Variants in GJD3 observed in about 807,000 individuals in gnomAD.
GJD3 encodes gap junction protein delta 3, also known as gap junction delta-3 protein.
For missense variants in GJD3, 421 were observed against 448.5 expected (o/e 0.94, Z 0.55); for synonymous variants, 217 against 226.7 (o/e 0.96, Z 0.38).
At position 40,362,458 on chromosome 17, in the gene GJD3, T is replaced by G. The variant is rs1275930200; in HGVS notation, c.*473A>C. Among the ~76,000 whole-genome samples the G allele has an allele frequency of 6.6e-6, 1 of 151,408 alleles. No individual in the cohort carries two copies. The highest frequency in any genetic ancestry group is 2.4e-5 in the African/African-American group (1 of 41,160). On this transcript the variant is annotated 3_prime_UTR_variant, in exon 1 of 1. Transcript: ENST00000578689. Reference sequence around the variant, plus strand: ...ACAGCGCTCACACAGGGTGTACAGGTGCGCGTGCACACAGCTCACAGTGCT... The same window carrying G: ...ACAGCGCTCACACAGGGTGTACAGGGGCGCGTGCACACAGCTCACAGTGCT...
chr17:40,363,851 G>T lies in GJD3; in HGVS notation c.-36C>A. On this transcript the variant is annotated 5_prime_UTR_variant, in exon 1 of 1. Transcript: ENST00000578689. This position sits in a 1 kb window ranked among gnomAD's most constrained non-coding sequence, Gnocchi z 5.5. ...ACGCGGGGCGGGGAGTCAGGGGATG[G>T]GGCAAGTCAGGGACCCCTGCCCCTT... The T allele has an allele frequency of 6.5e-7, 1 of 1,539,394 alleles. No individual in the cohort carries two copies. Among genetic ancestry groups the T allele is most frequent in the South Asian group, 1.3e-5 (1 of 78,804 alleles).
chr17:40,364,668 G>A lies in GJD3; in HGVS notation c.-853C>T. 6.0e-6 allele frequency: 1 copy of A among 166,518 alleles called. No individual in the cohort carries two copies. The highest frequency in any genetic ancestry group is 1.5e-5 in the Non-Finnish European group (1 of 68,510). 10.3% of individuals were successfully genotyped at this position (166,518 alleles called of 1,614,324 possible). ...GGGACCTTGGGAGGTGGCTGGGACC[G>A]GCGCCTCCTGCTCCCTCTTTCATTT... On this transcript the variant is annotated 5_prime_UTR_variant, in exon 1 of 1. Coordinates refer to ENST00000578689, the MANE Select transcript of GJD3 (RefSeq NM_152219.4).
chr17:40,360,719 T>C lies in GJD3; in HGVS notation c.*2212A>G, dbSNP rs15685. ...AACTTGAAACTACATACATGGCTCA[T>C]ATGCTATTTCCATCGGATGATGCTG... On this transcript the variant is annotated 3_prime_UTR_variant, in exon 1 of 1. Coordinates refer to ENST00000578689, the MANE Select transcript of GJD3 (RefSeq NM_152219.4). 3,314 of 196,776 alleles carry C rather than the reference T, an allele frequency of 0.017. 41 individuals carry two copies. Among genetic ancestry groups the C allele is most frequent in the Non-Finnish European group, 0.021 (1,926 of 93,406 alleles). The allele number at this position is 196,776 out of a possible 1,614,324, so 12.2% of individuals were successfully genotyped here.
In GJD3 at chr17:40,362,827, T is replaced by C. The variant is rs1378198832; in HGVS notation, c.*104A>G. On this transcript the variant is annotated 3_prime_UTR_variant, in exon 1 of 1. Transcript: ENST00000578689. Reference sequence around the variant, plus strand: ...ACAACGCGTCTCCTGCCGGGGCAGGTCCCGCGACAGCTCTGGTGGAAGCAG... The same window carrying C: ...ACAACGCGTCTCCTGCCGGGGCAGGCCCCGCGACAGCTCTGGTGGAAGCAG... 6.5e-6 allele frequency: 7 copies of C among 1,072,230 alleles called. No individual in the cohort carries two copies. Among genetic ancestry groups the C allele is most frequent in the African/African-American group, 1.7e-5 (1 of 58,910 alleles). 66.4% of individuals were successfully genotyped at this position (1,072,230 alleles called of 1,614,324 possible).
rs1031280355 is a variant in GJD3, at chr17:40,362,694, A to T, written c.*237T>A. On this transcript the variant is annotated 3_prime_UTR_variant, in exon 1 of 1. Coordinates refer to ENST00000578689, the MANE Select transcript of GJD3 (RefSeq NM_152219.4). ...TTCCACCTGGGTGGTGGCATCCAGG[A>T]CCTGCCTGAGTTCATTCTCCGCCCC... 2.6e-5 allele frequency among the ~76,000 whole-genome samples: 4 copies of T among 152,072 alleles called. No homozygotes were observed. The highest frequency in any genetic ancestry group is 4.4e-5 in the Non-Finnish European group (3 of 67,994).
Position 40,363,324 on chromosome 17 carries a change from C to T in GJD3, c.492G>A (p.Pro164=). ...QALLYGFRVA[P]HFACAGPPCP... is the part of the protein sequence containing the mutation. ...AGGGCGGACCGGCGCACGCGAAGTG[C>T]GGGGCCACGCGGAAGCCGTAGAGCA... The change falls in exon 1 of 1, where the codon CCG becomes CCA. Residue 164 remains proline, a synonymous_variant. Transcript: ENST00000578689. The surrounding 1 kb of genome is among the most constrained non-coding windows in gnomAD (Gnocchi z 5.5). The T allele has an allele frequency of 7.1e-7, 1 of 1,408,132 alleles. No individual in the cohort carries two copies. The highest frequency in any genetic ancestry group is 2.9e-5 in the Admixed American group (1 of 34,690). The allele number at this position is 1,408,132 out of a possible 1,614,324, so 87.2% of individuals were successfully genotyped here. A position where few individuals can be genotyped will look rare whatever the true frequency, so the allele number is the denominator to read the frequency against.
Position 40,361,631 on chromosome 17 carries a change from A to C in GJD3, c.*1300T>G, listed in dbSNP as rs2034752581. Among the ~76,000 whole-genome samples the C allele has an allele frequency of 1.3e-5, 2 of 152,140 alleles. No individual in the cohort carries two copies. The highest frequency in any genetic ancestry group is 1.3e-4 in the Admixed American group (2 of 15,282). On this transcript the variant is annotated 3_prime_UTR_variant, in exon 1 of 1. Coordinates refer to ENST00000578689, the MANE Select transcript of GJD3 (RefSeq NM_152219.4). ...CCACTGGCTGGTGAAGGGGGAGGGC[A>C]GACGGGAGGGGAGACACAGGAGGGG...
Position 40,363,965 on chromosome 17 carries a change from C to A in GJD3, c.-150G>T. 9.0e-7 allele frequency: 1 copy of A among 1,109,550 alleles called. No homozygotes were observed. The highest frequency in any genetic ancestry group is 1.3e-6 in the Non-Finnish European group (1 of 788,028). 68.7% of individuals were successfully genotyped at this position (1,109,550 alleles called of 1,614,324 possible). A position where few individuals can be genotyped will look rare whatever the true frequency, so the allele number is the denominator to read the frequency against. Reference sequence around the variant, plus strand: ...AGAGGCCCGGGTTTAGCGATGAGACCAGTATGAAACGGAGGGCCACGGGAG... The same window carrying A: ...AGAGGCCCGGGTTTAGCGATGAGACAAGTATGAAACGGAGGGCCACGGGAG... On this transcript the variant is annotated 5_prime_UTR_variant, in exon 1 of 1. Transcript: ENST00000578689. This position sits in a 1 kb window ranked among gnomAD's most constrained non-coding sequence, Gnocchi z 5.5.
Position 40,361,074 on chromosome 17 carries a change from TG to T in GJD3, c.*1856del, listed in dbSNP as rs1302379287. The T allele has an allele frequency of 3.5e-5, 16 of 453,044 alleles. No individual in the cohort carries two copies. The highest frequency in any genetic ancestry group is 7.1e-5 in the Non-Finnish European group (16 of 225,506). The allele number at this position is 453,044 out of a possible 1,614,324, so 28.1% of individuals were successfully genotyped here. ...AGGGGCATCCAGCTCTGTCTTGGGGTGGGGGCTACCAGGGGAGCCCTCTCCT... is the reference window on the plus strand; with the variant it reads ...AGGGGCATCCAGCTCTGTCTTGGGGTGGGGCTACCAGGGGAGCCCTCTCCT... On this transcript the variant is annotated 3_prime_UTR_variant, in exon 1 of 1. Transcript: ENST00000578689.
chr17:40,362,933 A>G lies in GJD3; in HGVS notation c.883T>C (p.Ter295GlnextTer75). 1 of 1,237,884 alleles carries G rather than the reference A, an allele frequency of 8.1e-7. No individual in the cohort carries two copies. The highest frequency in any genetic ancestry group is 1.0e-6 in the Non-Finnish European group (1 of 988,432). The allele number at this position is 1,237,884 out of a possible 1,614,324, so 76.7% of individuals were successfully genotyped here. Reference protein sequence around the residue: ...PATGRRDLAI* With the variant: ...PATGRRDLAIQ The stretch of plus-strand genomic sequence containing the variant: ...TCCGCGCGAGGCGGTGCCCGCCCCT[A>G]GATGGCCAGATCTCGGCGGCCGGTG... The change falls in exon 1 of 1, where the codon TAG becomes CAG. Residue 295 changes from the stop codon to glutamine (Q), a stop_lost. Transcript: ENST00000578689.
rs915850550 is a variant in GJD3, at chr17:40,363,377, C to A, written c.439G>T (p.Glu147Ter). The change falls in exon 1 of 1, where the codon GAG (glutamate) becomes TAG (stop). Residue 147 changes from glutamate to a stop codon, truncating the protein, a stop_gained. Coordinates refer to ENST00000578689, the MANE Select transcript of GJD3 (RefSeq NM_152219.4). LOFTEE classifies it low-confidence loss of function (END_TRUNC). The surrounding 1 kb of genome is among the most constrained non-coding windows in gnomAD (Gnocchi z 5.5). ...LLSVALRLLA[E>*]LTFLGGQALL... is the part of the protein sequence containing the mutation. Reference sequence around the variant, plus strand: ...GCCTGGCCGCCCAGGAAGGTCAGCTCGGCCAGCAGGCGCAGCGCCACGCTC... The same window carrying A: ...GCCTGGCCGCCCAGGAAGGTCAGCTAGGCCAGCAGGCGCAGCGCCACGCTC... 3.6e-6 allele frequency: 5 copies of A among 1,399,370 alleles called. No individual in the cohort carries two copies. Among genetic ancestry groups the A allele is most frequent in the Non-Finnish European group, 4.6e-6 (5 of 1,075,814 alleles). The allele number at this position is 1,399,370 out of a possible 1,614,324, so 86.7% of individuals were successfully genotyped here.
chr17:40,362,826 G>T lies in GJD3; in HGVS notation c.*105C>A, dbSNP rs2034764097. ...CACAACGCGTCTCCTGCCGGGGCAGGTCCCGCGACAGCTCTGGTGGAAGCA... is the reference window on the plus strand; with the variant it reads ...CACAACGCGTCTCCTGCCGGGGCAGTTCCCGCGACAGCTCTGGTGGAAGCA... On this transcript the variant is annotated 3_prime_UTR_variant, in exon 1 of 1. Transcript: ENST00000578689. 6.5e-6 allele frequency: 7 copies of T among 1,072,518 alleles called. No individual in the cohort carries two copies. In the South Asian group the frequency reaches 2.7e-4, roughly 41 times the overall value. The allele number at this position is 1,072,518 out of a possible 1,614,324, so 66.4% of individuals were successfully genotyped here. A position where few individuals can be genotyped will look rare whatever the true frequency, so the allele number is the denominator to read the frequency against.
chr17:40,364,292 G>C lies in GJD3; in HGVS notation c.-477C>G, dbSNP rs1225923291. 5.8e-6 allele frequency: 1 copy of C among 172,940 alleles called. No individual in the cohort carries two copies. The highest frequency in any genetic ancestry group is 1.4e-5 in the Non-Finnish European group (1 of 71,640). 10.7% of individuals were successfully genotyped at this position (172,940 alleles called of 1,614,324 possible). On this transcript the variant is annotated 5_prime_UTR_variant, in exon 1 of 1. Transcript: ENST00000578689. ...CCAATTTGGTGCCCATGGGAGGAGTGGGAGTGGCAGAGGCAGCGAGACCAC... is the reference window on the plus strand; with the variant it reads ...CCAATTTGGTGCCCATGGGAGGAGTCGGAGTGGCAGAGGCAGCGAGACCAC...
rs2034746394 is a variant in GJD3 at position 40,360,863 on chromosome 17, A to G, written c.*2068T>C. On this transcript the variant is annotated 3_prime_UTR_variant, in exon 1 of 1. Coordinates refer to ENST00000578689, the MANE Select transcript of GJD3 (RefSeq NM_152219.4). ...GTGTGGAGGGGTCTGGGTTGTGGACACAGAACTGTCATCAGAGAGATGGTG... is the reference window on the plus strand; with the variant it reads ...GTGTGGAGGGGTCTGGGTTGTGGACGCAGAACTGTCATCAGAGAGATGGTG... The G allele has an allele frequency of 2.6e-6, 1 of 384,838 alleles. No individual in the cohort carries two copies. Among genetic ancestry groups the G allele is most frequent in the Non-Finnish European group, 5.2e-6 (1 of 193,324 alleles). The allele number at this position is 384,838 out of a possible 1,614,324, so 23.8% of individuals were successfully genotyped here.
At position 40,362,407 on chromosome 17, in the gene GJD3, C is replaced by A. The variant is rs1407239439; in HGVS notation, c.*524G>T. Among the ~76,000 whole-genome samples, 4 of 152,082 alleles carry A rather than the reference C, an allele frequency of 2.6e-5. No individual in the cohort carries two copies. The highest frequency in any genetic ancestry group is 5.9e-5 in the Non-Finnish European group (4 of 67,988). ...TCTGTGTGCACAAGTGGGCCTCACG[C>A]AGGGTGTACACATGCGCGCACATGC... On this transcript the variant is annotated 3_prime_UTR_variant, in exon 1 of 1. Coordinates refer to ENST00000578689, the MANE Select transcript of GJD3 (RefSeq NM_152219.4).
rs1253629735 is a variant in GJD3, at chr17:40,361,153, C to T, written c.*1778G>A. The T allele has an allele frequency of 3.6e-5, 14 of 392,770 alleles. No homozygotes were observed. The highest frequency in any genetic ancestry group is 7.1e-5 in the Non-Finnish European group (14 of 198,002). The allele number at this position is 392,770 out of a possible 1,614,324, so 24.3% of individuals were successfully genotyped here. ...ACAACAATAGGTGGGTGGGCATTAGCTAGGGGAGGAGAAGGCTGCAGGAAG... is the reference window on the plus strand; with the variant it reads ...ACAACAATAGGTGGGTGGGCATTAGTTAGGGGAGGAGAAGGCTGCAGGAAG... On this transcript the variant is annotated 3_prime_UTR_variant, in exon 1 of 1. Transcript: ENST00000578689.
Position 40,362,525 on chromosome 17 carries a change from G to A in GJD3, c.*406C>T, listed in dbSNP as rs1439478821. Reference sequence around the variant, plus strand: ...CACACTCGCAGAGAGCCCACAGGGGGACCACTCTCTCTCTGAACACAGAGA... The same window carrying A: ...CACACTCGCAGAGAGCCCACAGGGGAACCACTCTCTCTCTGAACACAGAGA... On this transcript the variant is annotated 3_prime_UTR_variant, in exon 1 of 1. Transcript: ENST00000578689. 1.3e-5 allele frequency among the ~76,000 whole-genome samples: 2 copies of A among 152,180 alleles called. No individual in the cohort carries two copies. The highest frequency in any genetic ancestry group is 2.9e-5 in the Non-Finnish European group (2 of 68,002).
rs1047126140 is a variant in GJD3, at chr17:40,360,913, G to A, written c.*2018C>T. ...GCCCACCATAGCATGGATAGTGTTC[G>A]GGCATGGCAGTGGTGTAGGCCTGGG... is the stretch of plus-strand genomic sequence containing the variant. On this transcript the variant is annotated 3_prime_UTR_variant, in exon 1 of 1. Transcript: ENST00000578689. 4.6e-6 allele frequency: 2 copies of A among 438,434 alleles called. No individual in the cohort carries two copies. Among genetic ancestry groups the A allele is most frequent in the East Asian group, 7.1e-5 (1 of 14,002 alleles). The allele number at this position is 438,434 out of a possible 1,614,324, so 27.2% of individuals were successfully genotyped here.
Position 40,362,274 on chromosome 17 carries a change from T to C in GJD3, c.*657A>G, listed in dbSNP as rs561458368. Among the ~76,000 whole-genome samples the C allele has an allele frequency of 1.3e-5, 2 of 152,232 alleles. No individual in the cohort carries two copies. Among genetic ancestry groups the C allele is most frequent in the South Asian group, 4.1e-4 (2 of 4,826 alleles). On this transcript the variant is annotated 3_prime_UTR_variant, in exon 1 of 1. Transcript: ENST00000578689. Reference sequence around the variant, plus strand: ...CACACAGAATGGACATGTGCGTGTGTGCACAATGCACTCACACAAAGCTCA... The same window carrying C: ...CACACAGAATGGACATGTGCGTGTGCGCACAATGCACTCACACAAAGCTCA...
Sources: gnomAD v4.1 joint callset for allele counts (sites outside exome capture counted in the v4.1 genomes callset) on GRCh38, gnomAD v4.1.1 for gene constraint, Gnocchi (gnomAD v3.1) non-coding constraint, MANE v1.5 for transcripts, NCBI Gene and HGNC (gene_info 2026-07-23, HGNC 2026-07-21) for gene names.